The following PLB1 variants were observed in gnomAD, a reference collection of about 807,000 sequenced individuals.
PLB1 encodes the protein phospholipase B1, also known as phospholipase B1, membrane-associated.
Under a neutral mutation model 227.4 loss-of-function variants are expected in PLB1, and 242 were observed. The observed-to-expected ratio is 1.06, with a 90% CI of 0.96 to 1.18. The LOEUF (loss-of-function observed/expected upper bound fraction) is 1.18, where lower values mean the gene tolerates loss of function less well. Among genes scored for constraint, PLB1 ranks in the 50% most tolerant of loss-of-function variants. The pLI is 0.00. For missense variants in PLB1, 1,858 were observed against 1,816.3 expected (o/e 1.02, Z -0.42); for synonymous variants, 757 against 682.2 (o/e 1.11, Z -1.71).
chr2:28,599,540 A>T (rs1573324687), intron 35 of PLB1, among the ~76,000 whole-genome samples: 1 of 151,094 alleles, frequency 6.6e-6, no homozygotes, highest in Admixed American at 6.6e-5. Flanking sequence ...GATCCATCCC[A>T]CCCAGGTCTA....
intron 4 of PLB1, 102 bp downstream of exon 4, chr2:28,519,865 A>G: frequency 3.9e-6 from 3 of 763,424 alleles, no homozygotes; most frequent in Non-Finnish European, 6.6e-6. Context: ...TTTGGGAGAG[A>G]ACATCATGTG....
chr2:28,534,550 G>A lies in PLB1; in HGVS notation c.555+2356G>A, dbSNP rs570820383. Among the ~76,000 whole-genome samples, 7 of 152,244 alleles carry A rather than the reference G, an allele frequency of 4.6e-5. No individual in the cohort carries two copies. In the South Asian group the frequency reaches 1.2e-3, roughly 27 times the overall value. Reference sequence around the variant, plus strand: ...GACGTGAAACACATCTCACACTGTGGGTCAAGATAAAAACAGCCTCAAGAG... The same window carrying A: ...GACGTGAAACACATCTCACACTGTGAGTCAAGATAAAAACAGCCTCAAGAG... On this transcript the variant is annotated intron_variant, in intron 9 of 57. Transcript: ENST00000327757.
chr2:28,604,520 T>A, intron 40 of PLB1, 135 bp from the exon 41 acceptor site: 2 of 625,348 alleles, frequency 3.2e-6, no homozygotes, highest in Non-Finnish European at 5.6e-6. Context: ...CCTCAGGTGA[T>A]TTGTGTTCTC....
At chr2:28,546,516 C>T (rs1464901576) in intron 14 of PLB1, among the ~76,000 whole-genome samples, 1 of 152,152 alleles carries the variant, frequency 6.6e-6, no homozygotes, top group Non-Finnish European at 1.5e-5. Context: ...GGGGTGGAAG[C>T]CCAGACCAGC....
chr2:28,606,829 G>T (rs1684747764), intron 43 of PLB1, among the ~76,000 whole-genome samples: 1 of 152,152 alleles, frequency 6.6e-6, no homozygotes, highest in African/African-American at 2.4e-5. Flanking sequence ...ATCCCGGTGA[G>T]AAAAGTGGGC....
chr2:28,514,316 C>T (rs903637745), intron 1 of PLB1, among the ~76,000 whole-genome samples: 1 of 152,086 alleles, frequency 6.6e-6, no homozygotes, highest in South Asian at 2.1e-4. Context: ...ATTCTTTTGC[C>T]AGTCACACTG....
intron 53 of PLB1, among the ~76,000 whole-genome samples, chr2:28,630,199 G>A (rs960661957): frequency 1.3e-5 from 2 of 152,166 alleles, no homozygotes; most frequent in Non-Finnish European, 1.5e-5. Context: ...CAGGGACAGA[G>A]CCATTGTGGC....
chr2:28,592,604 A>C (rs1187562567), intron 31 of PLB1, 57 bp from the exon 32 acceptor site: 1 of 1,533,414 alleles, frequency 6.5e-7, no homozygotes, highest in East Asian at 2.2e-5. Flanking sequence ...CAGAGGCACT[A>C]GAGTGTGACT....
rs564994894 is a variant in PLB1, at chr2:28,543,108, C to A, written c.880-104C>A. 5.4e-5 allele frequency: 68 copies of A among 1,249,468 alleles called. 1 individual carries two copies. In the South Asian group the frequency reaches 9.3e-4, roughly 17 times the overall value. 77.4% of individuals were successfully genotyped at this position (1,249,468 alleles called of 1,614,324 possible). On this transcript the variant is annotated intron_variant, in intron 13 of 57. Coordinates refer to ENST00000327757, the MANE Select transcript of PLB1 (RefSeq NM_153021.5). The stretch of plus-strand genomic sequence containing the variant: ...GCTGAGAGAAAAGGCCTGGACAGAT[C>A]AGGCTGCCCCAACTCTATGCCAGAG...
At chr2:28,562,540 C>CAAAAAAAAGAA (rs1676218218) in intron 17 of PLB1, among the ~76,000 whole-genome samples, 1 of 42,606 alleles carries the variant, frequency 2.3e-5, no homozygotes, top group African/African-American at 1.1e-4. Context: ...GACTCTGTCT[C>CAAAAAAAAGAA]AAAAAAAAAA....
chr2:28,539,229 G>A (rs1439711251), intron 11 of PLB1, 51 bp downstream of exon 11: 2 of 1,499,068 alleles, frequency 1.3e-6, no homozygotes, highest in East Asian at 2.3e-5. Context: ...GCTGTCACGT[G>A]TGCGGCCTGT....
intron 20 of PLB1, among the ~76,000 whole-genome samples, chr2:28,569,511 A>C (rs1677635331): frequency 6.6e-6 from 1 of 152,212 alleles, no homozygotes; most frequent in African/African-American, 2.4e-5. Flanking sequence ...AGGGGAAATG[A>C]AAATCAAGAA....
chr2:28,499,221 T>C (rs1299042008), intron 1 of PLB1, among the ~76,000 whole-genome samples: 1 of 152,138 alleles, frequency 6.6e-6, no homozygotes, highest in African/African-American at 2.4e-5. Context: ...ATTAGGTTGG[T>C]GCAAAAGTGA....
At chr2:28,593,028 C>T (rs183212180) in intron 32 of PLB1, among the ~76,000 whole-genome samples, 8 of 152,266 alleles carry the variant, frequency 5.3e-5, no homozygotes, top group South Asian at 4.1e-4. Flanking sequence ...CCTCCCTGTG[C>T]GGGCGCTCTT....
At chr2:28,630,511 G>A (rs1688458057) in intron 53 of PLB1, 75 bp from the exon 54 acceptor site, 3 of 1,364,288 alleles carry the variant, frequency 2.2e-6, no homozygotes, top group Admixed American at 1.8e-5. Flanking sequence ...TGCTCTGTGT[G>A]TCAGAGCCAG....
At chr2:28,531,563 G>T (rs765862674) in intron 8 of PLB1, among the ~76,000 whole-genome samples, 5 of 152,164 alleles carry the variant, frequency 3.3e-5, no homozygotes, top group South Asian at 2.1e-4. Context: ...CGCCCAACTC[G>T]GCCTCCCAAA....
chr2:28,563,931 T>C (rs1676440726), intron 18 of PLB1, among the ~76,000 whole-genome samples: 1 of 152,172 alleles, frequency 6.6e-6, no homozygotes, highest in African/African-American at 2.4e-5. Flanking sequence ...CTGTGAGGCA[T>C]GACTTTCTTT....
intron 23 of PLB1, among the ~76,000 whole-genome samples, chr2:28,580,530 C>G (rs1044417504): frequency 1.3e-5 from 2 of 152,172 alleles, no homozygotes; most frequent in African/African-American, 4.8e-5. Flanking sequence ...GCCTGGCCAA[C>G]ATGGTGAAAC....
intron 56 of PLB1, among the ~76,000 whole-genome samples, chr2:28,639,204 A>G (rs900352348): frequency 6.6e-6 from 1 of 151,994 alleles, no homozygotes; most frequent in African/African-American, 2.4e-5. Flanking sequence ...GATGAGAAGG[A>G]GAGTGTGGAG....
Sources: allele counts gnomAD v4.1 joint callset (sites outside exome capture counted in the v4.1 genomes callset), GRCh38; gene constraint gnomAD v4.1.1; transcripts MANE v1.5; gene names NCBI Gene and HGNC (gene_info 2026-07-23, HGNC 2026-07-21).